Variants in GMPR observed in about 807,000 individuals in gnomAD.
GMPR encodes the protein guanosine monophosphate reductase.
A neutral mutation model predicts 38.4 loss-of-function variants in GMPR; 31 were observed. The observed-to-expected ratio is 0.81, with a 90% CI of 0.61 to 1.09. The LOEUF is 1.09. Ranked by LOEUF, GMPR falls within the 50% of genes least tolerant of loss-of-function variation. The pLI, the probability that GMPR is intolerant of heterozygous loss-of-function variation, is 0.00. For missense variants in GMPR, 468 were observed against 453.7 expected (o/e 1.03, Z -0.29); for synonymous variants, 162 against 173.3 (o/e 0.93, Z 0.51).
chr6:16,256,636 C>T (rs957353272), intron 4 of GMPR, among the ~76,000 whole-genome samples: 4 of 151,024 alleles, frequency 2.6e-5, no homozygotes, highest in Non-Finnish European at 4.4e-5. Context: ...TGTAATAGAA[C>T]AGCCAACTTC....
chr6:16,290,354 C>A, intron 7 of GMPR, 108 bp from the exon 8 acceptor site: 1 of 942,806 alleles, frequency 1.1e-6, no homozygotes, highest in Non-Finnish European at 1.7e-6. Flanking sequence ...TTGACTATAG[C>A]TGGGCGGGGA....
chr6:16,289,092 C>T (rs774062404), intron 7 of GMPR, among the ~76,000 whole-genome samples: 1 of 152,178 alleles, frequency 6.6e-6, no homozygotes, highest in African/African-American at 2.4e-5. Context: ...TCGCTCTTTG[C>T]AATAGATTCT....
chr6:16,284,413 C>T (rs972282709), intron 6 of GMPR, among the ~76,000 whole-genome samples: 8 of 152,194 alleles, frequency 5.3e-5, no homozygotes, highest in African/African-American at 1.9e-4. Context: ...GGTTGTAACA[C>T]GGGGTAGCCT....
In GMPR at chr6:16,290,542, G is replaced by A. The variant is rs141401052; in HGVS notation, c.778G>A (p.Gly260Arg). The change falls in exon 8 of 9, where the codon GGA becomes AGA. Residue 260 changes from glycine to arginine, a missense_variant. Physicochemically the swap from Gly to Arg is moderately radical, Grantham distance 125. Coordinates refer to ENST00000259727, the MANE Select transcript of GMPR (RefSeq NM_006877.4). The part of the protein sequence containing the change: ...ECAGEVFERN[G>R]RKLKLFYGMS... The stretch of plus-strand genomic sequence containing the variant: ...TGCTGGAGAAGTGTTTGAGAGGAAC[G>A]GACGGAAGCTCAAGCTCTTCTACGG... 7.4e-6 allele frequency: 12 copies of A among 1,614,014 alleles called. No homozygotes were observed. In the East Asian group the frequency reaches 8.9e-5, roughly 12 times the overall value.
intron 7 of GMPR, among the ~76,000 whole-genome samples, chr6:16,288,009 C>T (rs1759722764): frequency 6.6e-6 from 1 of 152,252 alleles, no homozygotes; most frequent in South Asian, 2.1e-4. Context: ...TTACTTAATA[C>T]ATCTGCGCCC....
rs527520512 is a variant in GMPR at position 16,277,957 on chromosome 6, G to A, written c.548-827G>A. 4.6e-5 allele frequency among the ~76,000 whole-genome samples: 7 copies of A among 152,246 alleles called. No individual in the cohort carries two copies. In the South Asian group the frequency reaches 1.0e-3, roughly 23 times the overall value. On this transcript the variant is annotated intron_variant, in intron 5 of 8. Transcript: ENST00000259727. ...TAAAGTGGGGTGCTGTGGCGGCACCGGGAAGCTTGAATAAGGGGAGGTATG... is the reference window on the plus strand; with the variant it reads ...TAAAGTGGGGTGCTGTGGCGGCACCAGGAAGCTTGAATAAGGGGAGGTATG...
At chr6:16,250,405 A>C in intron 3 of GMPR, 38 bp downstream of exon 3, 1 of 1,138,384 alleles carries the variant, frequency 8.8e-7, no homozygotes, top group Non-Finnish European at 1.3e-6. Context: ...CCAGTGCTGC[A>C]GGGGGGAACA....
At chr6:16,242,647 A>T (rs1393191502) in intron 1 of GMPR, among the ~76,000 whole-genome samples, 1 of 151,372 alleles carries the variant, frequency 6.6e-6, no homozygotes, top group Admixed American at 6.6e-5. Context: ...TTTTTTATTT[A>T]TTTTTTTTGA....
At chr6:16,266,385 CGGA>C (rs1219469320) in intron 4 of GMPR, among the ~76,000 whole-genome samples, 1 of 106,296 alleles carries the variant, frequency 9.4e-6, no homozygotes, top group Non-Finnish European at 1.8e-5. Flanking sequence ...GGTGGCACGT[CGGA>C]CGTGCCACCT....
At chr6:16,247,082 TTC>T in intron 2 of GMPR, 121 bp downstream of exon 2, 3 of 861,216 alleles carry the variant, frequency 3.5e-6, no homozygotes, top group Admixed American at 3.0e-5. Context: ...CTTTGGGTCA[TTC>T]TCTGTCTTTC....
chr6:16,291,857 G>C (rs997234020), intron 8 of GMPR, among the ~76,000 whole-genome samples: 8 of 151,210 alleles, frequency 5.3e-5, no homozygotes, highest in Admixed American at 1.3e-4. Flanking sequence ...GCTGCAGTGA[G>C]CTATGATCGT....
At position 16,238,653 on chromosome 6, in the gene GMPR, GC is replaced by G; in HGVS notation, c.-37del. 1.9e-6 allele frequency: 2 copies of G among 1,050,740 alleles called. No homozygotes were observed. Among genetic ancestry groups the G allele is most frequent in the Non-Finnish European group, 1.2e-6 (1 of 813,494 alleles). The allele number at this position is 1,050,740 out of a possible 1,614,324, so 65.1% of individuals were successfully genotyped here. On this transcript the variant is annotated 5_prime_UTR_variant, in exon 1 of 9. Transcript: ENST00000259727. ...CGCGCCGCCCCGCGCAGGCGCCCCCGCCCCGCCGTCGCCGCCGCCGCAGCCA... is the reference window on the plus strand; with the variant it reads ...CGCGCCGCCCCGCGCAGGCGCCCCCGCCCGCCGTCGCCGCCGCCGCAGCCA...
chr6:16,260,637 C>T (rs1466065295), intron 4 of GMPR, among the ~76,000 whole-genome samples: 4 of 151,896 alleles, frequency 2.6e-5, no homozygotes, highest in Middle Eastern at 3.2e-3. Context: ...TAGATTTCTA[C>T]GATGGAAAGA....
intron 7 of GMPR, among the ~76,000 whole-genome samples, chr6:16,289,078 T>C (rs1229975846): frequency 6.6e-6 from 1 of 152,196 alleles, no homozygotes. Context: ...GGTGATTTGT[T>C]GTTTCGCTCT....
intron 3 of GMPR, among the ~76,000 whole-genome samples, chr6:16,254,087 C>T (rs1029696993): frequency 2.6e-4 from 39 of 152,150 alleles, no homozygotes; most frequent in African/African-American, 8.2e-4. Flanking sequence ...CCTGCCACCA[C>T]GCCTGGCTAA....
chr6:16,266,734 C>T (rs1400011629), intron 4 of GMPR, among the ~76,000 whole-genome samples: 3 of 150,986 alleles, frequency 2.0e-5, no homozygotes, highest in Non-Finnish European at 4.4e-5. Context: ...TTGCATGAAC[C>T]TGGGAGGGGG....
intron 4 of GMPR, among the ~76,000 whole-genome samples, chr6:16,271,473 T>A (rs1759384640): frequency 6.6e-6 from 1 of 152,050 alleles, no homozygotes; most frequent in African/African-American, 2.4e-5. Context: ...GAGACAAGAG[T>A]GAGACCCTGT....
chr6:16,261,961 G>A (rs573180804), intron 4 of GMPR, among the ~76,000 whole-genome samples: 7 of 151,876 alleles, frequency 4.6e-5, no homozygotes, highest in Non-Finnish European at 7.4e-5. Context: ...AAAGTGTCTC[G>A]GCCTAATAAG....
intron 2 of GMPR, among the ~76,000 whole-genome samples, chr6:16,249,144 C>A (rs1482019236): frequency 6.6e-6 from 1 of 151,844 alleles, no homozygotes; most frequent in East Asian, 1.9e-4. Flanking sequence ...TCTTCCCCGC[C>A]ATGCAGTTGT....
Sources: gnomAD v4.1 joint callset for allele counts (sites outside exome capture counted in the v4.1 genomes callset) on GRCh38, gnomAD v4.1.1 for gene constraint, MANE v1.5 for transcripts, NCBI Gene and HGNC (gene_info 2026-07-23, HGNC 2026-07-21) for gene names.